PI4KA: variants seen among roughly 807,000 people sequenced by gnomAD.
PI4KA encodes the protein PI4-kinase alpha.
PI4KA carries 122 observed loss-of-function variants against 271.4 expected under a neutral mutation model. That is an observed-to-expected ratio of 0.45 (90% CI 0.39 to 0.52). The LOEUF (loss-of-function observed/expected upper bound fraction) is 0.52. Ranked by LOEUF, PI4KA falls within the 20% of genes least tolerant of loss-of-function variation. The probability of loss-of-function intolerance (pLI) is 0.00; values close to 1 mark genes in which losing one functional copy is unlikely to be tolerated. For missense variants in PI4KA, 1,969 were observed against 2,769.1 expected (o/e 0.71, Z 6.48); for synonymous variants, 1,041 against 1,078.8 (o/e 0.96, Z 0.69).
chr22:20,838,781 A>AT (rs1569090082), intron 1 of PI4KA, 50 bp from the exon 2 acceptor site: 1 of 1,089,474 alleles, frequency 9.2e-7, no homozygotes, highest in Non-Finnish European at 1.4e-6. Context: ...AGAAAACCAC[A>AT]TTCAAAATAA....
At chr22:20,751,626 T>C in intron 26 of PI4KA, 48 bp downstream of exon 26, 1 of 1,463,116 alleles carries the variant, frequency 6.8e-7, no homozygotes, top group Non-Finnish European at 9.6e-7. Context: ...GGCGGGGTGG[T>C]GGTAGAGCGG....
At chr22:20,726,971 G>A (rs973651534) in intron 41 of PI4KA, among the ~76,000 whole-genome samples, 1 of 152,092 alleles carries the variant, frequency 6.6e-6, no homozygotes, top group South Asian at 2.1e-4. Flanking sequence ...CAGCTGCCGC[G>A]CCGCCTCGTA....
At chr22:20,810,041 G>C (rs76151461) in intron 9 of PI4KA, among the ~76,000 whole-genome samples, 4,519 of 152,218 alleles carry the variant, frequency 0.03, 89 homozygotes, top group Middle Eastern at 0.061. Flanking sequence ...TAAGGAATCT[G>C]GGTCAGGGAC....
intron 25 of PI4KA, 89 bp from the exon 26 acceptor site, chr22:20,751,844 C>T (rs773905378): frequency 1.5e-5 from 17 of 1,146,510 alleles, no homozygotes; most frequent in Non-Finnish European, 2.2e-5. Context: ...AGCCCGAGCC[C>T]ATATCTGCTT....
chr22:20,748,789 A>T (rs1930378767), intron 28 of PI4KA, among the ~76,000 whole-genome samples: 1 of 152,120 alleles, frequency 6.6e-6, no homozygotes, highest in South Asian at 2.1e-4. Context: ...AGGGAAGTAC[A>T]CTGACCAGAT....
intron 3 of PI4KA, among the ~76,000 whole-genome samples, chr22:20,830,983 G>A (rs1169852800): frequency 2.0e-5 from 3 of 152,114 alleles, no homozygotes; most frequent in Non-Finnish European, 4.4e-5. Context: ...ATGTTGGCCA[G>A]CCTGGTCTCA....
rs747140723 is a variant in PI4KA at position 20,727,302 on chromosome 22, G to A, written c.4869C>T (p.Tyr1623=). The A allele has an allele frequency of 3.3e-5, 53 of 1,613,238 alleles. No individual in the cohort carries two copies. Among genetic ancestry groups the A allele is most frequent in the Non-Finnish European group, 3.7e-5 (44 of 1,179,976 alleles). The change falls in exon 41 of 55, where the codon TAC becomes TAT. Residue 1623 remains tyrosine, a synonymous_variant. Transcript: ENST00000255882. Reference sequence around the variant, plus strand: ...GGTGCGGCGGGTACATGCTGGAGAAGTAGGAGAGGCCTGTGGGTGGGTCCG... The same window carrying A: ...GGTGCGGCGGGTACATGCTGGAGAAATAGGAGAGGCCTGTGGGTGGGTCCG... ...APTDPPTGLS[Y]FSSMYPPHPL... is the part of the protein sequence containing the mutation.
At chr22:20,801,872 C>A (rs1197483353) in intron 14 of PI4KA, 101 bp downstream of exon 14, 2 of 1,299,488 alleles carry the variant, frequency 1.5e-6, no homozygotes, top group East Asian at 2.4e-5. Flanking sequence ...GGCAACAGAG[C>A]GAGACTCAAT....
chr22:20,786,105 G>C (rs780835080), intron 19 of PI4KA: 1 of 1,614,084 alleles, frequency 6.2e-7, no homozygotes, highest in Admixed American at 1.7e-5. Context: ...GACAAAAATG[G>C]CAACATGGCA....
chr22:20,726,223 C>A (rs927120259), intron 42 of PI4KA: 5 of 375,154 alleles, frequency 1.3e-5, no homozygotes, highest in African/African-American at 2.1e-5. Flanking sequence ...GGAAGCCTGG[C>A]CAGGCTGCCT....
chr22:20,731,872 T>C (rs1157972794), intron 36 of PI4KA, among the ~76,000 whole-genome samples: 1 of 150,382 alleles, frequency 6.6e-6, no homozygotes, highest in East Asian at 1.9e-4. Context: ...GAGCTTGCAG[T>C]GAGCGGAGAC....
Position 20,733,070 on chromosome 22 carries a change from C to G in PI4KA, c.4189G>C (p.Glu1397Gln), listed in dbSNP as rs1485459812. 2.5e-6 allele frequency: 4 copies of G among 1,611,854 alleles called. No individual in the cohort carries two copies. The highest frequency in any genetic ancestry group is 3.4e-6 in the Non-Finnish European group (4 of 1,179,856). ...CTTATGTCTTCACGCAGCCGCTTCT[C>G]TCCTTGAGTAGGGAACTTTGGGGGA... ...SCPPKFPTQGEKRLREDISIM... is the reference protein window; with the variant it reads ...SCPPKFPTQGQKRLREDISIM... The change falls in exon 36 of 55, where the codon GAG (glutamate) becomes CAG (glutamine). Residue 1397 changes from glutamate (E) to glutamine (Q), a missense_variant. Coordinates refer to ENST00000255882, the MANE Select transcript of PI4KA (RefSeq NM_058004.4).
chr22:20,834,628 G>C lies in PI4KA; in HGVS notation c.301C>G (p.Leu101Val). 2 of 1,607,676 alleles carry C rather than the reference G, an allele frequency of 1.2e-6. No individual in the cohort carries two copies. The highest frequency in any genetic ancestry group is 1.7e-6 in the Non-Finnish European group (2 of 1,174,190). Residue 101 changes from leucine (L) to valine (V), a missense_variant, in exon 3 of 55, where the codon CTT (leucine) becomes GTT (valine). Leu to Val is a conservative substitution (Grantham distance 32). This residue lies in a region of PI4KA where 540 missense variants were observed against 555.5 expected (regional missense o/e 0.97). Coordinates refer to ENST00000255882, the MANE Select transcript of PI4KA (RefSeq NM_058004.4). ...TTTGGAAGACCTTTGAGAAGTCGAAGAAGGTAAGGAACCACACAATCTTTG... is the reference window on the plus strand; with the variant it reads ...TTTGGAAGACCTTTGAGAAGTCGAACAAGGTAAGGAACCACACAATCTTTG... ...QHKDCVVPYL[L>V]RLLKGLPKVY...
At chr22:20,781,226 A>T (rs1029362020) in intron 19 of PI4KA, among the ~76,000 whole-genome samples, 6 of 152,316 alleles carry the variant, frequency 3.9e-5, no homozygotes, top group Middle Eastern at 3.4e-3. Flanking sequence ...TAAAATCCAA[A>T]CCTCTCTTTT....
chr22:20,749,917 C>T lies in PI4KA; in HGVS notation c.3231G>A (p.Lys1077=), dbSNP rs148612673. 6 of 1,609,176 alleles carry T rather than the reference C, an allele frequency of 3.7e-6. No homozygotes were observed. The highest frequency in any genetic ancestry group is 5.1e-6 in the Non-Finnish European group (6 of 1,175,596). Residue 1077 remains lysine (K), a synonymous_variant, in exon 28 of 55, where the codon AAG becomes AAA. Transcript: ENST00000255882. ...TGGTTTCAAGTACCTGCAGGTGGGACTTGGTGACGGTAGGTGCCCACTTCA... is the reference window on the plus strand; with the variant it reads ...TGGTTTCAAGTACCTGCAGGTGGGATTTGGTGACGGTAGGTGCCCACTTCA... ...EAMKWAPTVT[K]SHLQEYLNKH...
In PI4KA at chr22:20,729,696, G is replaced by C. The variant is rs1251874890; in HGVS notation, c.4424C>G (p.Thr1475Ser). ...TTTGTGCAGCTGGGAGCCCCGGTTG[G>C]TTTTCTTAGACATGCCTAGGAGGAA... ...ISKKSGMSKK[T>S]NRGSQLHKYY... The change falls in exon 38 of 55, where the codon ACC becomes AGC. Residue 1475 changes from threonine to serine, a missense_variant. Thr to Ser is a moderately conservative substitution (Grantham distance 58). Around this residue, in one of 13 missense-constraint regions of PI4KA, gnomAD observed 388 missense variants for 521.5 expected, o/e 0.74. Coordinates refer to ENST00000255882, the MANE Select transcript of PI4KA (RefSeq NM_058004.4). The C allele has an allele frequency of 2.5e-6, 4 of 1,592,266 alleles. No individual in the cohort carries two copies. The African/African-American group carries it at 5.4e-5, about 21-fold the overall frequency.
chr22:20,731,417 T>G (rs1241820854), intron 36 of PI4KA, among the ~76,000 whole-genome samples: 1 of 152,090 alleles, frequency 6.6e-6, no homozygotes, highest in Admixed American at 6.6e-5. Flanking sequence ...TTGTCAGCCG[T>G]GGGTCTGCTA....
chr22:20,718,896 C>T lies in PI4KA; in HGVS notation c.5117-74G>A, dbSNP rs1926361895. 17 of 1,522,344 alleles carry T rather than the reference C, an allele frequency of 1.1e-5. No individual in the cohort carries two copies. The South Asian group carries it at 2.0e-4, about 18-fold the overall frequency. 94.3% of individuals were successfully genotyped at this position (1,522,344 alleles called of 1,614,324 possible). On this transcript the variant is annotated intron_variant, in intron 43 of 54. Transcript: ENST00000255882. ...CCCTCAGGAATACCAGCCCTGTTTCCCAGGCCCCAGACTGGCAGTGCCCAG... is the reference window on the plus strand; with the variant it reads ...CCCTCAGGAATACCAGCCCTGTTTCTCAGGCCCCAGACTGGCAGTGCCCAG...
chr22:20,858,602 G>A lies in PI4KA; in HGVS notation c.124C>T (p.Leu42=), dbSNP rs1273893171. ...FNTVLSLARS[L]AVQRPASLEK... is the part of the protein sequence containing the mutation. ...AAGGATGCTGGTCTCTGCACCGCCA[G>A]GGAGCGGGCCAGTGACAGGACCGTG... The change falls in exon 1 of 55, where the codon CTG becomes TTG. Residue 42 remains leucine, a synonymous_variant. Transcript: ENST00000255882. The A allele has an allele frequency of 1.2e-5, 17 of 1,475,934 alleles. No homozygotes were observed. Among genetic ancestry groups the A allele is most frequent in the Non-Finnish European group, 1.4e-5 (16 of 1,117,952 alleles). The allele number at this position is 1,475,934 out of a possible 1,614,324, so 91.4% of individuals were successfully genotyped here.
Sources: gnomAD v4.1 joint callset for allele counts (sites outside exome capture counted in the v4.1 genomes callset) on GRCh38, gnomAD v4.1.1 for gene constraint, gnomAD v4.1.1 regional missense constraint, MANE v1.5 for transcripts, NCBI Gene and HGNC (gene_info 2026-07-23, HGNC 2026-07-21) for gene names.